The following DCAF8 variants were observed in gnomAD, a reference collection of about 807,000 sequenced individuals.
The protein encoded by DCAF8 is DDB1- and CUL4-associated factor 8.
DCAF8 carries 20 observed loss-of-function variants against 68.0 expected under a neutral mutation model. That is an observed-to-expected ratio of 0.29 (90% CI 0.21 to 0.43). The LOEUF is 0.43. DCAF8 is among the 20% of genes least tolerant of loss of function. The pLI is 1.00. For synonymous variants in DCAF8, 230 were observed against 276.9 expected (o/e 0.83, Z 1.68); for missense variants, 460 against 771.0 (o/e 0.60, Z 4.78).
chr1:160,242,509 G>C (rs1389561828), intron 3 of DCAF8, among the ~76,000 whole-genome samples: 1 of 152,258 alleles, frequency 6.6e-6, no homozygotes, highest in Middle Eastern at 3.4e-3. Context: ...AGTGTTTATT[G>C]TTAAAATTAT....
intron 2 of DCAF8, among the ~76,000 whole-genome samples, chr1:160,249,377 A>C (rs1013738652): frequency 1.3e-5 from 2 of 152,252 alleles, no homozygotes; most frequent in African/African-American, 2.4e-5. Context: ...GAGCAACTAC[A>C]ACTCATATAC....
At chr1:160,246,451 G>A (rs1450194429) in intron 2 of DCAF8, among the ~76,000 whole-genome samples, 1 of 152,214 alleles carries the variant, frequency 6.6e-6, no homozygotes, top group Non-Finnish European at 1.5e-5. Flanking sequence ...ATACTCTAGA[G>A]CAGTGGTCTC....
At chr1:160,243,482 G>A (rs573557359) in intron 3 of DCAF8, among the ~76,000 whole-genome samples, 31 of 150,446 alleles carry the variant, frequency 2.1e-4, no homozygotes, top group Non-Finnish European at 3.4e-4. Context: ...GGGCTCAAGC[G>A]ATCTGCCTGT....
At chr1:160,262,291 A>AG (rs1270434904) in intron 1 of DCAF8, 158 bp downstream of exon 1, 27 of 398,704 alleles carry the variant, frequency 6.8e-5, no homozygotes, top group Middle Eastern at 6.2e-4. Context: ...AGGTCAAGGG[A>AG]GGGGGGGTGT....
rs374705027 is a variant in DCAF8 at position 160,237,175 on chromosome 1, C to T, written c.919G>A (p.Val307Ile). ...CTFLSAGEDA[V>I]VFTIDLRQDR... is the part of the protein sequence containing the mutation. ...TGTCTCAGGTCAATGGTGAAAACAA[C>T]TGCATCTTCACCTGCAGATAAGAAC... The change falls in exon 6 of 14, where the codon GTT becomes ATT. Residue 307 changes from valine to isoleucine, a missense_variant. Coordinates refer to ENST00000368074, the MANE Select transcript of DCAF8 (RefSeq NM_015726.4). The T allele has an allele frequency of 1.1e-5, 17 of 1,578,230 alleles. No individual in the cohort carries two copies. The African/African-American group carries it at 1.9e-4, about 17-fold the overall frequency.
chr1:160,243,840 G>A (rs979213919), intron 3 of DCAF8, 120 bp downstream of exon 3: 2 of 950,612 alleles, frequency 2.1e-6, no homozygotes, highest in Non-Finnish European at 3.3e-6. Context: ...CCTAAACTCA[G>A]AACAACACAG....
chr1:160,225,501 C>T, intron 8 of DCAF8, 90 bp downstream of exon 8: 1 of 1,027,974 alleles, frequency 9.7e-7, no homozygotes, highest in Non-Finnish European at 1.5e-6. Context: ...CTTGAAAGTC[C>T]AAGCTCTTCC....
chr1:160,258,496 A>C (rs774222752), intron 2 of DCAF8, among the ~76,000 whole-genome samples: 2 of 151,938 alleles, frequency 1.3e-5, no homozygotes, highest in Non-Finnish European at 2.9e-5. Flanking sequence ...GAAATATAAA[A>C]ATATCTTCAA....
chr1:160,258,377 G>A (rs558524748), intron 2 of DCAF8, among the ~76,000 whole-genome samples: 1 of 152,148 alleles, frequency 6.6e-6, no homozygotes, highest in African/African-American at 2.4e-5. Flanking sequence ...TAAGAGGTTG[G>A]TGGTGGGAAC....
intron 11 of DCAF8, 150 bp downstream of exon 11, chr1:160,222,501 G>T: frequency 9.7e-7 from 1 of 1,034,466 alleles, no homozygotes; most frequent in Non-Finnish European, 1.4e-6. Context: ...CAAAAACTCA[G>T]CACCTCCAGG....
At chr1:160,224,374 G>C in intron 10 of DCAF8, 68 bp downstream of exon 10, 1 of 1,177,174 alleles carries the variant, frequency 8.5e-7, no homozygotes, top group Non-Finnish European at 1.3e-6. Context: ...TGTATAACCT[G>C]AGTAAGACAC....
intron 12 of DCAF8, 77 bp downstream of exon 12, chr1:160,218,772 A>T: frequency 7.6e-6 from 12 of 1,583,616 alleles, no homozygotes; most frequent in Non-Finnish European, 1.0e-5. Flanking sequence ...GCAGCAAGTT[A>T]TTCCTCCCTA....
intron 2 of DCAF8, among the ~76,000 whole-genome samples, chr1:160,250,424 C>G (rs1375053788): frequency 1.4e-5 from 2 of 143,976 alleles, no homozygotes; most frequent in African/African-American, 5.3e-5. Context: ...CAAGATCGCA[C>G]CATTGCACTC....
At chr1:160,225,543 GGGTTGAGTCA>G in intron 8 of DCAF8, 38 bp downstream of exon 8, 2 of 1,453,300 alleles carry the variant, frequency 1.4e-6, no homozygotes, top group Non-Finnish European at 1.9e-6. Flanking sequence ...TGCAGCCTTG[GGGTTGAGTCA>G]GGGAAGCCTG....
intron 2 of DCAF8, among the ~76,000 whole-genome samples, chr1:160,245,543 T>G (rs1313787500): frequency 1.3e-5 from 2 of 152,314 alleles, no homozygotes; most frequent in Middle Eastern, 3.4e-3. Context: ...TTGTTCATAA[T>G]AGGCCAAGGT....
chr1:160,218,226 A>G, intron 13 of DCAF8, 98 bp downstream of exon 13: 3 of 900,574 alleles, frequency 3.3e-6, no homozygotes, highest in Non-Finnish European at 5.6e-6. Flanking sequence ...AAATCCGACC[A>G]AGATCACCTG....
At chr1:160,222,615 A>C (rs764996740) in intron 11 of DCAF8, 36 bp downstream of exon 11, 1 of 1,611,868 alleles carries the variant, frequency 6.2e-7, no homozygotes, top group Non-Finnish European at 8.5e-7. Flanking sequence ...GACTGGAGAG[A>C]TTAGGGAGCC....
intron 2 of DCAF8, among the ~76,000 whole-genome samples, chr1:160,255,981 G>A (rs1656819314): frequency 7.3e-6 from 1 of 137,468 alleles, no homozygotes; most frequent in Admixed American, 7.3e-5. Context: ...TAACCCTTAA[G>A]TGTTAATTTC....
At chr1:160,229,850 C>T (rs1013771272) in intron 7 of DCAF8, among the ~76,000 whole-genome samples, 1 of 152,126 alleles carries the variant, frequency 6.6e-6, no homozygotes, top group Admixed American at 6.6e-5. Context: ...GGTGAGACCT[C>T]GGTTCTACTG....
Sources: gnomAD v4.1 joint callset for allele counts (sites outside exome capture counted in the v4.1 genomes callset) on GRCh38, gnomAD v4.1.1 for gene constraint, MANE v1.5 for transcripts, NCBI Gene and HGNC (gene_info 2026-07-23, HGNC 2026-07-21) for gene names.